The following PIK3R3 variants were observed in gnomAD, a reference collection of about 807,000 sequenced individuals.
PIK3R3 encodes phosphoinositide-3-kinase regulatory subunit 3, also known as phosphatidylinositol 3-kinase regulatory subunit gamma.
A neutral mutation model predicts 62.9 loss-of-function variants in PIK3R3; 64 were observed. That is an observed-to-expected ratio of 1.02 (90% confidence interval 0.83 to 1.25). The LOEUF is 1.25. Ranked by LOEUF, PIK3R3 falls within the 50% of genes most tolerant of loss-of-function variation. PIK3R3 has a pLI of 0.00. For missense variants in PIK3R3, 614 were observed against 561.6 expected (o/e 1.09, Z -0.94); for synonymous variants, 165 against 189.0 (o/e 0.87, Z 1.04).
At chr1:46,066,547 C>T (rs1214311114) in intron 4 of PIK3R3, among the ~76,000 whole-genome samples, 1 of 152,178 alleles carries the variant, frequency 6.6e-6, no homozygotes, top group East Asian at 1.9e-4. Flanking sequence ...GCACTAGGCG[C>T]AATGACTCAT....
intron 1 of PIK3R3, among the ~76,000 whole-genome samples, chr1:46,086,181 T>C (rs1651036447): frequency 6.6e-6 from 1 of 152,234 alleles, no homozygotes; most frequent in Non-Finnish European, 1.5e-5. Context: ...TATGTGTGCA[T>C]AGAAACATAT....
chr1:46,120,003 A>T (rs1332738436), intron 1 of PIK3R3, among the ~76,000 whole-genome samples: 1 of 151,904 alleles, frequency 6.6e-6, no homozygotes, highest in Non-Finnish European at 1.5e-5. Context: ...GACGGCTCCT[A>T]ATTTTTCAGG....
At chr1:46,113,087 C>T (rs1653877731) in intron 1 of PIK3R3, among the ~76,000 whole-genome samples, 1 of 152,144 alleles carries the variant, frequency 6.6e-6, no homozygotes, top group Non-Finnish European at 1.5e-5. Flanking sequence ...AAATAGCCTC[C>T]TAACCAGTTT....
At chr1:46,174,050 T>C in the PIK3R3 span, among the ~76,000 whole-genome samples, 1 of 152,122 alleles carries the variant, frequency 6.6e-6, no homozygotes, top group African/African-American at 2.4e-5. Context: ...GGTGCATGCA[T>C]GTTTCTGTCT....
At chr1:46,136,292 C>T (rs914313406), upstream of PIK3R3, among the ~76,000 whole-genome samples, 1 of 152,032 alleles carries the variant, frequency 6.6e-6, no homozygotes, top group African/African-American at 2.4e-5. Flanking sequence ...TTTAGGGCCT[C>T]CCCAGACACT....
chr1:46,150,976 T>C, the PIK3R3 span, among the ~76,000 whole-genome samples: 3 of 151,794 alleles, frequency 2.0e-5, no homozygotes, highest in Non-Finnish European at 4.4e-5. Flanking sequence ...GCCCAGCTAA[T>C]TTTTTTTGTA....
intron 1 of PIK3R3, among the ~76,000 whole-genome samples, chr1:46,117,522 T>C (rs924701827): frequency 1.3e-5 from 2 of 152,108 alleles, no homozygotes; most frequent in Non-Finnish European, 2.9e-5. Context: ...ATCAAACAAC[T>C]AAGGCCACAT....
chr1:46,131,051 G>A (rs1439294214), intron 1 of PIK3R3, among the ~76,000 whole-genome samples: 1 of 151,888 alleles, frequency 6.6e-6, no homozygotes, highest in African/African-American at 2.4e-5. Flanking sequence ...ACGTGTATAG[G>A]AACACATATG....
chr1:46,169,782 G>T, the PIK3R3 span, among the ~76,000 whole-genome samples: 1 of 152,196 alleles, frequency 6.6e-6, no homozygotes, highest in African/African-American at 2.4e-5. Flanking sequence ...CCTGGCATTT[G>T]CCTGTCTTTG....
At chr1:46,116,708 TAAC>T (rs903182982) in intron 1 of PIK3R3, among the ~76,000 whole-genome samples, 4 of 150,472 alleles carry the variant, frequency 2.7e-5, no homozygotes, top group African/African-American at 7.3e-5. Flanking sequence ...ATAATAAAAA[TAAC>T]AACAACAATA....
intron 1 of PIK3R3, chr1:46,104,966 CT>C: frequency 1.7e-6 from 1 of 583,566 alleles, no homozygotes; most frequent in Non-Finnish European, 3.2e-6. Flanking sequence ...ACTAAGTCAT[CT>C]CCAAGTTCAA....
At chr1:46,045,893 G>A (rs1252567998) in intron 9 of PIK3R3, 25 bp downstream of exon 9, 1 of 1,588,318 alleles carries the variant, frequency 6.3e-7, no homozygotes, top group East Asian at 2.2e-5. Context: ...GATTTCAAAA[G>A]GTTATATCCC....
At chr1:46,106,261 C>G (rs1198950494) in intron 1 of PIK3R3, among the ~76,000 whole-genome samples, 2 of 152,108 alleles carry the variant, frequency 1.3e-5, no homozygotes, top group African/African-American at 2.4e-5. Flanking sequence ...TGCCACCACA[C>G]CCAGCTAATT....
intron 1 of PIK3R3, among the ~76,000 whole-genome samples, chr1:46,122,638 G>A (rs891417420): frequency 6.6e-6 from 1 of 152,108 alleles, no homozygotes; most frequent in Non-Finnish European, 1.5e-5. Context: ...AAAGTGCTGG[G>A]ATTACAGGTG....
chr1:46,174,520 AG>A, the PIK3R3 span, among the ~76,000 whole-genome samples: 1 of 152,162 alleles, frequency 6.6e-6, no homozygotes, highest in South Asian at 2.1e-4. Context: ...CAAAGGTCTC[AG>A]GGTTCACTCC....
rs1162848182 is a variant in PIK3R3 at position 46,043,756 on chromosome 1, T to A, written c.1303A>T (p.Thr435Ser). The change falls in exon 10 of 10, where the codon ACA becomes TCA. Residue 435 changes from threonine (T) to serine (S), a missense_variant. Physicochemically the swap from Thr to Ser is moderately conservative, Grantham distance 58. Transcript: ENST00000262741. ...LKELVLHYQQTSLVQHNDSLN... is the reference protein window; with the variant it reads ...LKELVLHYQQSSLVQHNDSLN... ...GAGTCGTTGTGCTGAACCAAGGATG[T>A]CTGCTGGTAATGGAGCACTAGCTCC... is the stretch of plus-strand genomic sequence containing the variant. 6.2e-7 allele frequency: 1 copy of A among 1,614,220 alleles called. No homozygotes were observed. The highest frequency in any genetic ancestry group is 1.3e-5 in the African/African-American group (1 of 75,054).
At chr1:46,132,968 G>A (rs943410987), upstream of PIK3R3, 34 of 1,110,526 alleles carry the variant, frequency 3.1e-5, no homozygotes, top group South Asian at 4.6e-4. Flanking sequence ...GGGAGCACGC[G>A]AGCCAGGCGA....
the PIK3R3 span, among the ~76,000 whole-genome samples, chr1:46,157,202 C>T: frequency 6.6e-6 from 1 of 152,214 alleles, no homozygotes. Flanking sequence ...GGTGTAACCT[C>T]AGCTCACTGA....
At chr1:46,121,049 A>C (rs1420475535) in intron 1 of PIK3R3, among the ~76,000 whole-genome samples, 2 of 152,362 alleles carry the variant, frequency 1.3e-5, no homozygotes, top group Middle Eastern at 6.8e-3. Context: ...GCCAGTCCCA[A>C]GGATGGCAGA....
Sources: gnomAD v4.1 joint callset for allele counts (sites outside exome capture counted in the v4.1 genomes callset) on GRCh38, gnomAD v4.1.1 for gene constraint, MANE v1.5 for transcripts, NCBI Gene and HGNC (gene_info 2026-07-23, HGNC 2026-07-21) for gene names.